Variants in SMNDC1 observed in about 807,000 individuals in gnomAD.
The protein encoded by SMNDC1 is survival motor neuron domain containing 1.
In SMNDC1, 5 loss-of-function variants were observed where a neutral mutation model predicts 29.2. That is an observed-to-expected ratio of 0.17 (90% CI 0.09 to 0.36). The LOEUF is 0.36. SMNDC1 is among the 10% of genes least tolerant of loss of function. The pLI, the probability that SMNDC1 is intolerant of heterozygous loss-of-function variation, is 1.00. For missense variants in SMNDC1, 142 were observed against 268.5 expected, an observed-to-expected ratio of 0.53 and a Z score of 3.29; for synonymous variants, 80 against 89.9, an observed-to-expected ratio of 0.89 and a Z score of 0.62.
chr10:110,290,871 T>C lies in SMNDC1; in HGVS notation c.*3279A>G, dbSNP rs1857491874. On this transcript the variant is annotated 3_prime_UTR_variant, in exon 6 of 6. Transcript: ENST00000369603. ...TTACAACTGGTAGTTTTTTATCTTATAAAAATTGTAATTATAAAATTACAA... is the reference window on the plus strand; with the variant it reads ...TTACAACTGGTAGTTTTTTATCTTACAAAAATTGTAATTATAAAATTACAA... 1 of 152,324 alleles carries C rather than the reference T, an allele frequency of 6.6e-6. No homozygotes were observed. Among genetic ancestry groups the C allele is most frequent in the Admixed American group, 6.5e-5 (1 of 15,302 alleles). 9.4% of individuals were successfully genotyped at this position (152,324 alleles called of 1,614,324 possible). A position where few individuals can be genotyped will look rare whatever the true frequency, so the allele number is the denominator to read the frequency against.
rs762661897 is a variant in SMNDC1, at chr10:110,298,732, C to G, written c.179G>C (p.Ser60Thr). The change falls in exon 3 of 6, where the codon AGT becomes ACT. Residue 60 changes from serine to threonine, a missense_variant. This residue lies in a region of SMNDC1 where 65 missense variants were observed against 75.9 expected (regional missense o/e 0.86). Coordinates refer to ENST00000369603, the MANE Select transcript of SMNDC1 (RefSeq NM_005871.4). ...LSTQPSETLA[S>T]SDSFASTQPT... ...TTGAGTAGAAGCAAAACTGTCTGAA[C>G]TTGCAAGCGTCTCAGAAGGTTGAGT... is the stretch of plus-strand genomic sequence containing the variant. 1.2e-6 allele frequency: 2 copies of G among 1,613,718 alleles called. No individual in the cohort carries two copies. The highest frequency in any genetic ancestry group is 2.2e-5 in the South Asian group (2 of 91,074).
At position 110,293,996 on chromosome 10, in the gene SMNDC1, T is replaced by C; in HGVS notation, c.*154A>G. 1 of 551,366 alleles carries C rather than the reference T, an allele frequency of 1.8e-6. No homozygotes were observed. The highest frequency in any genetic ancestry group is 3.2e-5 in the South Asian group (1 of 31,342). The allele number at this position is 551,366 out of a possible 1,614,324, so 34.2% of individuals were successfully genotyped here. On this transcript the variant is annotated 3_prime_UTR_variant, in exon 6 of 6. Transcript: ENST00000369603. ...AGTTAAATGAATAGCAGTTATCAAA[T>C]GCAATTTCTTCACGTTTCATTCTAC...
chr10:110,303,432 AAC>A, intron 2 of SMNDC1, 34 bp downstream of exon 2: 2 of 1,535,054 alleles, frequency 1.3e-6, no homozygotes, highest in East Asian at 2.4e-5. Flanking sequence ...TAATTTGAAA[AAC>A]AGAGAAAAAG....
chr10:110,294,897 G>A (rs976628615), intron 5 of SMNDC1, among the ~76,000 whole-genome samples: 1 of 152,194 alleles, frequency 6.6e-6, no homozygotes, highest in East Asian at 1.9e-4. Context: ...ATCTACCAGT[G>A]ATGCCCAGCA....
Position 110,294,209 on chromosome 10 carries a change from G to T in SMNDC1, c.658C>A (p.Pro220Thr). ...GAGGTATCTTGATATTGTGTCATAG[G>T]TTTATCAGCAATTCCACAGGTTCCT... is the stretch of plus-strand genomic sequence containing the variant. ...GVGTCGIADK[P>T]MTQYQDTSKY... The change falls in exon 6 of 6, where the codon CCT (proline) becomes ACT (threonine). Residue 220 changes from proline to threonine, a missense_variant. Physicochemically the swap from Pro to Thr is conservative, Grantham distance 38 (BLOSUM62 -1). Around this residue, in one of 4 missense-constraint regions of SMNDC1, gnomAD observed 54 missense variants for 152.1 expected, o/e 0.36. Coordinates refer to ENST00000369603, the MANE Select transcript of SMNDC1 (RefSeq NM_005871.4). 6.2e-7 allele frequency: 1 copy of T among 1,606,882 alleles called. No homozygotes were observed. Among genetic ancestry groups the T allele is most frequent in the Non-Finnish European group, 8.5e-7 (1 of 1,176,452 alleles).
In SMNDC1 at chr10:110,290,909, TGA is replaced by T. The variant is rs1857492342; in HGVS notation, c.*3239_*3240del. 2 of 152,178 alleles carry T rather than the reference TGA, an allele frequency of 1.3e-5. No individual in the cohort carries two copies. The highest frequency in any genetic ancestry group is 4.1e-4 in the South Asian group (2 of 4,830). 9.4% of individuals were successfully genotyped at this position (152,178 alleles called of 1,614,324 possible). On this transcript the variant is annotated 3_prime_UTR_variant, in exon 6 of 6. Coordinates refer to ENST00000369603, the MANE Select transcript of SMNDC1 (RefSeq NM_005871.4). ...TATAAAATTACAATCTACAGACACATGAGTCACACAACTACAGTTTTCCTTTA... is the reference window on the plus strand; with the variant it reads ...TATAAAATTACAATCTACAGACACATGTCACACAACTACAGTTTTCCTTTA...
At position 110,303,777 on chromosome 10, in the gene SMNDC1, A is replaced by G. The variant is rs2233930; in HGVS notation, c.1-190T>C. 1.8e-3 allele frequency: 912 copies of G among 516,222 alleles called. 11 individuals are homozygous for G. In the East Asian group the frequency reaches 0.028, roughly 16 times the overall value. 32.0% of individuals were successfully genotyped at this position (516,222 alleles called of 1,614,324 possible). On this transcript the variant is annotated intron_variant, in intron 1 of 5. Coordinates refer to ENST00000369603, the MANE Select transcript of SMNDC1 (RefSeq NM_005871.4). ...TAAACCACAAACTTAAAGGCAACAG[A>G]TTCTGAGGATTATAAACTTGAGATA...
At chr10:110,295,486 A>G in intron 4 of SMNDC1, 105 bp from the exon 5 acceptor site, 1 of 725,238 alleles carries the variant, frequency 1.4e-6, no homozygotes, top group East Asian at 3.0e-5. Flanking sequence ...AACATATACA[A>G]TGGTCTATGA....
rs144500434 is a variant in SMNDC1 at position 110,297,156 on chromosome 10, C to T, written c.425+411G>A. On this transcript the variant is annotated intron_variant, in intron 4 of 5. Coordinates refer to ENST00000369603, the MANE Select transcript of SMNDC1 (RefSeq NM_005871.4). ...TAATAAAAGTGGAGGCTGAGTACCT[C>T]TTGTTCCCTTACAGTACCTGTTATA... Among the ~76,000 whole-genome samples, 1,021 of 152,284 alleles carry T rather than the reference C, an allele frequency of 6.7e-3. 6 individuals are homozygous for T. The highest frequency in any genetic ancestry group is 9.4e-3 in the Non-Finnish European group (640 of 68,020).
chr10:110,300,533 T>C (rs564042120), intron 2 of SMNDC1: 11 of 983,652 alleles, frequency 1.1e-5, no homozygotes, highest in African/African-American at 8.7e-5. Flanking sequence ...GAGGGGGTTC[T>C]TGAAGGTACA....
chr10:110,294,620 G>A (rs1156979665), intron 5 of SMNDC1, among the ~76,000 whole-genome samples: 1 of 152,192 alleles, frequency 6.6e-6, no homozygotes, highest in Non-Finnish European at 1.5e-5. Flanking sequence ...CTGTATTGTG[G>A]TTTACTGTGG....
At chr10:110,301,882 C>T (rs1020206699) in intron 2 of SMNDC1, among the ~76,000 whole-genome samples, 10 of 152,318 alleles carry the variant, frequency 6.6e-5, no homozygotes, top group Non-Finnish European at 1.3e-4. Flanking sequence ...CATGGTAAGG[C>T]AGTTCTGCTC....
At chr10:110,298,540 CTAATAGAAGTCAAGAT>C in intron 3 of SMNDC1, 92 bp downstream of exon 3, 1 of 884,882 alleles carries the variant, frequency 1.1e-6, no homozygotes, top group Non-Finnish European at 1.7e-6. Flanking sequence ...ATCATACTGC[CTAATAGAAGTCAAGAT>C]TAAAATAGGG....
At chr10:110,300,494 C>T (rs1487573645) in intron 2 of SMNDC1, 2 of 909,130 alleles carry the variant, frequency 2.2e-6, no homozygotes, top group Admixed American at 1.2e-4. Context: ...GCGTATGGAC[C>T]AAAGTATTAG....
Position 110,293,763 on chromosome 10 carries a change from G to A in SMNDC1, c.*387C>T, listed in dbSNP as rs1564732319. On this transcript the variant is annotated 3_prime_UTR_variant, in exon 6 of 6. Coordinates refer to ENST00000369603, the MANE Select transcript of SMNDC1 (RefSeq NM_005871.4). Reference sequence around the variant, plus strand: ...TTAGCAGGTTGGTGTTTTTGCCTTGGTGTTCCAATGAATTGCTAGAGTATG... The same window carrying A: ...TTAGCAGGTTGGTGTTTTTGCCTTGATGTTCCAATGAATTGCTAGAGTATG... 1 of 154,202 alleles carries A rather than the reference G, an allele frequency of 6.5e-6. No homozygotes were observed. The highest frequency in any genetic ancestry group is 6.5e-5 in the Admixed American group (1 of 15,366). The allele number at this position is 154,202 out of a possible 1,614,324, so 9.6% of individuals were successfully genotyped here. A position where few individuals can be genotyped will look rare whatever the true frequency, so the allele number is the denominator to read the frequency against.
intron 5 of SMNDC1, 135 bp downstream of exon 5, chr10:110,295,093 G>A (rs1176475697): frequency 5.8e-6 from 4 of 692,756 alleles, no homozygotes; most frequent in South Asian, 2.0e-5. Flanking sequence ...GTTAAATTGA[G>A]CATCAACAAG....
At chr10:110,295,150 C>A (rs7074311) in intron 5 of SMNDC1, 78 bp downstream of exon 5, 1,079,169 of 1,315,492 alleles carry the variant, frequency 0.82, 445,143 homozygotes, top group East Asian at 1. Flanking sequence ...CAAAAAATCT[C>A]CATCTCTTTT....
In SMNDC1 at chr10:110,291,750, T is replaced by C. The variant is rs951935837; in HGVS notation, c.*2400A>G. On this transcript the variant is annotated 3_prime_UTR_variant, in exon 6 of 6. Transcript: ENST00000369603. The stretch of plus-strand genomic sequence containing the variant: ...CTCTAGAGTCCTTGCTGTTTTCCAG[T>C]ATGCTCTGTGGCCTCCCTACATGTT... 1.3e-5 allele frequency: 2 copies of C among 152,240 alleles called. No individual in the cohort carries two copies. The highest frequency in any genetic ancestry group is 4.8e-5 in the African/African-American group (2 of 41,464). 9.4% of individuals were successfully genotyped at this position (152,240 alleles called of 1,614,324 possible).
chr10:110,299,462 A>C (rs1857614714), intron 2 of SMNDC1, among the ~76,000 whole-genome samples: 1 of 152,180 alleles, frequency 6.6e-6, no homozygotes, highest in South Asian at 2.1e-4. Flanking sequence ...ACACAAAGGC[A>C]ATGCCTTTCT....
Sources: allele counts gnomAD v4.1 joint callset (sites outside exome capture counted in the v4.1 genomes callset), GRCh38; gene constraint gnomAD v4.1.1; regional missense constraint gnomAD v4.1.1; transcripts MANE v1.5; gene names NCBI Gene and HGNC (gene_info 2026-07-23, HGNC 2026-07-21).